NBEAL2: variants seen among roughly 807,000 people sequenced by gnomAD.
The protein encoded by NBEAL2 is neurobeachin-like protein 2.
A neutral mutation model predicts 299.8 loss-of-function variants in NBEAL2; 160 were observed. The ratio of observed to expected loss-of-function variants is 0.53; its 90% CI spans 0.47 to 0.61. NBEAL2 has a LOEUF of 0.61. NBEAL2 is among the 20% of genes least tolerant of loss of function. The pLI is 0.00. For synonymous variants in NBEAL2, 1,493 were observed against 1,542.3 expected, an observed-to-expected ratio of 0.97 and a Z score of 0.75; for missense variants, 3,112 against 3,649.0, an observed-to-expected ratio of 0.85 and a Z score of 3.79.
At chr3:46,998,297 TG>T (rs2107365302) in intron 21 of NBEAL2, 71 bp downstream of exon 21, 1 of 1,555,062 alleles carries the variant, frequency 6.4e-7, no homozygotes. Flanking sequence ...AACTCTGCTC[TG>T]GGGGATCTGA....
In NBEAL2 at chr3:46,996,584, G is replaced by A. The variant is rs2036518030; in HGVS notation, c.2465G>A (p.Cys822Tyr). 2 of 1,531,132 alleles carry A rather than the reference G, an allele frequency of 1.3e-6. No individual in the cohort carries two copies. Among genetic ancestry groups the A allele is most frequent in the Non-Finnish European group, 1.8e-6 (2 of 1,137,244 alleles). 94.8% of individuals were successfully genotyped at this position (1,531,132 alleles called of 1,614,324 possible). The change falls in exon 16 of 54, where the codon TGC becomes TAC. Residue 822 changes from cysteine to tyrosine, a missense_variant. This residue lies in a region of NBEAL2 where 2,243 missense variants were observed against 2,538.1 expected (regional missense o/e 0.88). Transcript: ENST00000450053. The part of the protein sequence containing the change: ...ALQATALRTL[C>Y]TLGPNETAPF... ...CAGGCGACGGCTCTGAGGACCCTGT[G>A]CACCCTGGGTATGCAGCATTCTCCA...
At chr3:46,997,166 G>A (rs1244608166) in intron 18 of NBEAL2, 93 bp from the exon 19 acceptor site, 6 of 1,571,238 alleles carry the variant, frequency 3.8e-6, no homozygotes, top group Admixed American at 1.8e-5. Flanking sequence ...CAGCTCAAGA[G>A]AGCAAAACTT....
Position 46,996,556 on chromosome 3 carries a change from C to T in NBEAL2, c.2437C>T (p.Leu813=). 6.5e-7 allele frequency: 1 copy of T among 1,541,420 alleles called. No individual in the cohort carries two copies. The highest frequency in any genetic ancestry group is 2.3e-5 in the East Asian group (1 of 43,918). The change falls in exon 16 of 54, where the codon CTG becomes TTG. Residue 813 remains leucine (L), a synonymous_variant. Coordinates refer to ENST00000450053, the MANE Select transcript of NBEAL2 (RefSeq NM_015175.3). ...GGCTGTGGCCATCTTTCACGAAGCC[C>T]TGCAGGCGACGGCTCTGAGGACCCT... ...LGAVAIFHEA[L]QATALRTLCT...
intron 9 of NBEAL2, among the ~76,000 whole-genome samples, 174 bp downstream of exon 9, chr3:46,992,120 C>G (rs914261876): frequency 3.9e-5 from 6 of 152,150 alleles, no homozygotes; most frequent in Non-Finnish European, 2.9e-5. Context: ...AGGGCCCATC[C>G]CTTGGGGCCT....
rs370701933 is a variant in NBEAL2, at chr3:47,005,934, C to T, written c.6802-12C>T. The T allele has an allele frequency of 1.2e-6, 2 of 1,613,056 alleles. No homozygotes were observed. The highest frequency in any genetic ancestry group is 2.7e-5 in the African/African-American group (2 of 74,920). On this transcript the variant is annotated splice_polypyrimidine_tract_variant and intron_variant, in intron 42 of 53. Transcript: ENST00000450053. Reference sequence around the variant, plus strand: ...GCTGTCCCTGCACTGATTGCTGCCTCCCTACTCTCAGGAGTCGGAGTATGT... The same window carrying T: ...GCTGTCCCTGCACTGATTGCTGCCTTCCTACTCTCAGGAGTCGGAGTATGT...
chr3:47,001,477 C>A lies in NBEAL2; in HGVS notation c.4644+39C>A. 1 of 1,595,148 alleles carries A rather than the reference C, an allele frequency of 6.3e-7. No homozygotes were observed. The highest frequency in any genetic ancestry group is 1.1e-5 in the South Asian group (1 of 89,670). On this transcript the variant is annotated intron_variant, in intron 29 of 53. Transcript: ENST00000450053. The surrounding 1 kb of genome is among the most constrained non-coding windows in gnomAD (Gnocchi z 6.1). ...GAGAGGCGTGAGCCACATGAACACT[C>A]ATGTTCATGCAAGCCTGCAGGGATC...
intron 1 of NBEAL2, chr3:46,987,936 G>A (rs1108301): frequency 0.42 from 508,995 of 1,214,316 alleles, 108,169 homozygotes; most frequent in Middle Eastern, 0.52. Flanking sequence ...CTCCCCCACC[G>A]TGACTCTGCG....
In NBEAL2 at chr3:47,009,613, C is replaced by G. The variant is rs976378663; in HGVS notation, c.*293C>G. ...TTCCCCGGCTTCCAAGTCGCTGTTT[C>G]GTCAAAGCACGAGGGCCGCCTGTGG... On this transcript the variant is annotated 3_prime_UTR_variant, in exon 54 of 54. Coordinates refer to ENST00000450053, the MANE Select transcript of NBEAL2 (RefSeq NM_015175.3). 1.1e-5 allele frequency: 5 copies of G among 444,658 alleles called. No homozygotes were observed. The highest frequency in any genetic ancestry group is 6.3e-5 in the African/African-American group (3 of 47,530). The allele number at this position is 444,658 out of a possible 1,614,324, so 27.5% of individuals were successfully genotyped here.
chr3:46,996,507 C>A lies in NBEAL2; in HGVS notation c.2388C>A (p.Pro796=). 1 of 1,578,144 alleles carries A rather than the reference C, an allele frequency of 6.3e-7. No homozygotes were observed. Among genetic ancestry groups the A allele is most frequent in the African/African-American group, 1.3e-5 (1 of 74,438 alleles). ...AGTQDTRWGS[P]TSLEGELGAV... ...CCCAGGACACTCGGTGGGGCAGCCC[C>A]ACATCCCTGGAGGGTGAGCTGGGGG... The change falls in exon 16 of 54, where the codon CCC becomes CCA. Residue 796 remains proline (P), a synonymous_variant. Transcript: ENST00000450053.
At position 47,007,873 on chromosome 3, in the gene NBEAL2, G is replaced by A. The variant is rs969521815; in HGVS notation, c.7565G>A (p.Arg2522Gln). 2.1e-5 allele frequency: 34 copies of A among 1,613,422 alleles called. 1 individual carries two copies. In the East Asian group the frequency reaches 3.3e-4, roughly 16 times the overall value. ...TCGIYLISGS[R>Q]DTTCMVWRLL... is the part of the protein sequence containing the mutation. ...GGCATCTACCTCATCTCAGGCTCCC[G>A]GGACACCACGTGCATGGTGTGGCGG... The change falls in exon 49 of 54, where the codon CGG (arginine) becomes CAG (glutamine). Residue 2522 changes from arginine (R) to glutamine (Q), a missense_variant. Physicochemically the swap from Arg to Gln is conservative, Grantham distance 43. Transcript: ENST00000450053.
Position 46,996,320 on chromosome 3 carries a change from C to T in NBEAL2, c.2201C>T (p.Thr734Ile), listed in dbSNP as rs892266397. The T allele has an allele frequency of 6.2e-7, 1 of 1,611,258 alleles. No individual in the cohort carries two copies. Among genetic ancestry groups the T allele is most frequent in the Non-Finnish European group, 8.5e-7 (1 of 1,179,868 alleles). ...IGSAGYRTTT[T>I]TTGLPTPPVP... ...TCCGCTGGATACCGCACAACGACCA[C>T]CACCACAGGGCTGCCCACACCACCA... is the stretch of plus-strand genomic sequence containing the variant. Residue 734 changes from threonine (T) to isoleucine (I), a missense_variant, in exon 16 of 54, where the codon ACC becomes ATC. This residue lies in a region of NBEAL2 where 2,243 missense variants were observed against 2,538.1 expected (regional missense o/e 0.88). Coordinates refer to ENST00000450053, the MANE Select transcript of NBEAL2 (RefSeq NM_015175.3).
intron 52 of NBEAL2, 76 bp from the exon 53 acceptor site, chr3:47,008,913 A>G (rs1575633371): frequency 6.4e-7 from 1 of 1,572,534 alleles, no homozygotes; most frequent in East Asian, 2.2e-5. Context: ...GAGAGGGTAT[A>G]TGGGATAAGG....
At position 47,003,310 on chromosome 3, in the gene NBEAL2, G is replaced by A. The variant is rs77402694; in HGVS notation, c.5720+1G>A. The A allele has an allele frequency of 1.9e-6, 3 of 1,611,936 alleles. No homozygotes were observed. The highest frequency in any genetic ancestry group is 2.2e-5 in the South Asian group (2 of 90,972). On this transcript the variant is annotated splice_donor_variant, in intron 35 of 53. Transcript: ENST00000450053. LOFTEE classifies it high-confidence loss of function. The surrounding 1 kb of genome is among the most constrained non-coding windows in gnomAD (Gnocchi z 7.0). ...ACGAGCTGGCTGAGCTGGAGACCCC[G>A]TGAGTGGGGCCCTGGAGAGATTGGA...
Position 47,008,192 on chromosome 3 carries a change from T to C in NBEAL2, c.7719+6T>C. On this transcript the variant is annotated splice_donor_region_variant and intron_variant, in intron 50 of 53. Coordinates refer to ENST00000450053, the MANE Select transcript of NBEAL2 (RefSeq NM_015175.3). Reference sequence around the variant, plus strand: ...TGGCTGTGTCTGGATCTGAGGTGTGTGTATGCATGTGCCCTGGGGAGGGTG... The same window carrying C: ...TGGCTGTGTCTGGATCTGAGGTGTGCGTATGCATGTGCCCTGGGGAGGGTG... 2 of 1,613,878 alleles carry C rather than the reference T, an allele frequency of 1.2e-6. No individual in the cohort carries two copies. The highest frequency in any genetic ancestry group is 1.7e-6 in the Non-Finnish European group (2 of 1,179,832).
In NBEAL2 at chr3:46,988,849, G is replaced by A. The variant is rs369926920; in HGVS notation, c.148G>A (p.Glu50Lys). The A allele has an allele frequency of 1.9e-5, 31 of 1,607,098 alleles. No individual in the cohort carries two copies. Among genetic ancestry groups the A allele is most frequent in the Non-Finnish European group, 2.6e-5 (30 of 1,175,058 alleles). Reference sequence around the variant, plus strand: ...TCTCCCCTTTCCTTGCAGGCCAGAGGAGGCAGGTGCAGAGGTCCCGCTGCT... The same window carrying A: ...TCTCCCCTTTCCTTGCAGGCCAGAGAAGGCAGGTGCAGAGGTCCCGCTGCT... ...LSSLEPRRPE[E>K]AGAEVPLLPL... Residue 50 changes from glutamate to lysine, a missense_variant, in exon 3 of 54, where the codon GAG becomes AAG. By Grantham distance (56) the Glu-to-Lys change is moderately conservative. Coordinates refer to ENST00000450053, the MANE Select transcript of NBEAL2 (RefSeq NM_015175.3). This position sits in a 1 kb window ranked among gnomAD's most constrained non-coding sequence, Gnocchi z 4.4.
At chr3:47,006,564 C>T (rs1000044113) in intron 45 of NBEAL2, 115 bp downstream of exon 45, 1 of 1,038,916 alleles carries the variant, frequency 9.6e-7, no homozygotes, top group Admixed American at 2.0e-5. Flanking sequence ...GATTTCAAGG[C>T]ACCTTAGAAA....
Position 47,001,591 on chromosome 3 carries a change from C to A in NBEAL2, c.4645-98C>A. On this transcript the variant is annotated intron_variant, in intron 29 of 53. Transcript: ENST00000450053. The surrounding 1 kb of genome is among the most constrained non-coding windows in gnomAD (Gnocchi z 6.1). ...GTGTGGACTTGCCTGTGTGCACAAA[C>A]CCTACCTGGCCCCCAGCGCAAACTT... 1 of 1,575,488 alleles carries A rather than the reference C, an allele frequency of 6.3e-7. No individual in the cohort carries two copies. Among genetic ancestry groups the A allele is most frequent in the Non-Finnish European group, 8.6e-7 (1 of 1,159,506 alleles).
intron 1 of NBEAL2, among the ~76,000 whole-genome samples, chr3:46,987,454 T>C (rs1370635253): frequency 1.3e-5 from 2 of 152,336 alleles, no homozygotes; most frequent in East Asian, 3.9e-4. Context: ...AGCTCCTGTA[T>C]AAGCCACAAC....
chr3:47,006,370 C>T lies in NBEAL2; in HGVS notation c.7055C>T (p.Ala2352Val). The T allele has an allele frequency of 6.3e-7, 1 of 1,596,532 alleles. No homozygotes were observed. Among genetic ancestry groups the T allele is most frequent in the Non-Finnish European group, 8.5e-7 (1 of 1,171,710 alleles). ...ACTCGGCTCTCAGCTGAGGAAGCAG[C>T]CCATCGCCTTGCACGCCTGGACACT... ...HPTRLSAEEAAHRLARLDTNS... is the reference protein window; with the variant it reads ...HPTRLSAEEAVHRLARLDTNS... The change falls in exon 45 of 54, where the codon GCC (alanine) becomes GTC (valine). Residue 2352 changes from alanine (A) to valine (V), a missense_variant. By Grantham distance (64) the Ala-to-Val change is moderately conservative (BLOSUM62 0). This residue lies in a region of NBEAL2 where 521 missense variants were observed against 729.6 expected (regional missense o/e 0.71). Coordinates refer to ENST00000450053, the MANE Select transcript of NBEAL2 (RefSeq NM_015175.3).
Sources: gnomAD v4.1 joint callset for allele counts (sites outside exome capture counted in the v4.1 genomes callset) on GRCh38, gnomAD v4.1.1 for gene constraint, gnomAD v4.1.1 regional missense constraint, Gnocchi (gnomAD v3.1) non-coding constraint, MANE v1.5 for transcripts, NCBI Gene and HGNC (gene_info 2026-07-23, HGNC 2026-07-21) for gene names.